The following CAND1 variants were observed in gnomAD, a reference collection of about 807,000 sequenced individuals.
CAND1 encodes the protein cullin associated and neddylation dissociated 1.
A neutral mutation model predicts 108.5 loss-of-function variants in CAND1; 7 were observed. The observed-to-expected ratio is 0.06, with a 90% confidence interval of 0.04 to 0.12. The LOEUF (loss-of-function observed/expected upper bound fraction) is 0.12, where lower values mean the gene tolerates loss of function less well. CAND1 is among the 10% of genes least tolerant of loss of function. The pLI is 1.00. For synonymous variants in CAND1, 534 were observed against 512.0 expected, an observed-to-expected ratio of 1.04 and a Z score of -0.58; for missense variants, 941 against 1,448.7, an observed-to-expected ratio of 0.65 and a Z score of 5.69.
chr12:67,297,285 A>G, intron 4 of CAND1, 122 bp from the exon 5 acceptor site: 1 of 907,224 alleles, frequency 1.1e-6, no homozygotes, highest in Non-Finnish European at 1.8e-6. Context: ...TTCACTATGA[A>G]TTAGTCTCAA....
intron 2 of CAND1, among the ~76,000 whole-genome samples, chr12:67,290,489 G>A (rs1038689824): frequency 1.3e-5 from 2 of 151,268 alleles, no homozygotes; most frequent in East Asian, 1.9e-4. Flanking sequence ...CCAGCCTGGC[G>A]ACAAAGCAAG....
chr12:67,270,769 T>TAAAAAAAAAAAAA (rs10573806), intron 1 of CAND1: 1 of 137,870 alleles, frequency 7.3e-6, no homozygotes, highest in Non-Finnish European at 1.6e-5. Context: ...GTTCTCAATC[T>TAAAAAAAAAAAAA]AAAAAAAAAA....
chr12:67,270,110 A>C, intron 1 of CAND1: 1 of 305,776 alleles, frequency 3.3e-6, no homozygotes, highest in Non-Finnish European at 6.0e-6. Flanking sequence ...GGGCTAAACC[A>C]CCCACCATTG....
chr12:67,294,329 C>T lies in CAND1; in HGVS notation c.368-704C>T, dbSNP rs1392589. Reference sequence around the variant, plus strand: ...ATTTATGAGTCCTGGAACGAGGTTTCTGCTTTATAATGAAGTTACGGAATC... The same window carrying T: ...ATTTATGAGTCCTGGAACGAGGTTTTTGCTTTATAATGAAGTTACGGAATC... On this transcript the variant is annotated intron_variant, in intron 3 of 14. Transcript: ENST00000545606. Among the ~76,000 whole-genome samples the T allele has an allele frequency of 6.7e-3, 1,022 of 152,064 alleles. 7 individuals are homozygous for T. Among genetic ancestry groups the T allele is most frequent in the African/African-American group, 0.023 (973 of 41,478 alleles).
intron 7 of CAND1, among the ~76,000 whole-genome samples, chr12:67,301,001 T>G (rs1299029929): frequency 6.6e-6 from 1 of 152,158 alleles, no homozygotes; most frequent in Non-Finnish European, 1.5e-5. Context: ...AAAATCAACG[T>G]AATTTTAGTG....
At chr12:67,303,050 TG>T (rs2044841834) in intron 8 of CAND1, among the ~76,000 whole-genome samples, 1 of 152,240 alleles carries the variant, frequency 6.6e-6, no homozygotes, top group South Asian at 2.1e-4. Context: ...GGGTGATCTG[TG>T]TAGAGCATTC....
chr12:67,286,395 C>G (rs539271476), intron 2 of CAND1, among the ~76,000 whole-genome samples: 3 of 152,288 alleles, frequency 2.0e-5, no homozygotes, highest in African/African-American at 7.2e-5. Context: ...TTCCCAAAGT[C>G]TATCTACCAC....
chr12:67,291,789 G>A (rs2044724648), intron 2 of CAND1, among the ~76,000 whole-genome samples: 2 of 152,038 alleles, frequency 1.3e-5, no homozygotes, highest in Non-Finnish European at 2.9e-5. Flanking sequence ...TTTAGATGAG[G>A]GATGCTAAAT....
chr12:67,295,249 C>A, intron 4 of CAND1, 93 bp downstream of exon 4: 1 of 1,188,826 alleles, frequency 8.4e-7, no homozygotes, highest in Non-Finnish European at 1.1e-6. Context: ...AAAACTTGGT[C>A]AGAAATTATT....
chr12:67,310,512 C>A, intron 13 of CAND1, 196 bp downstream of exon 13: 2 of 405,766 alleles, frequency 4.9e-6, no homozygotes, highest in Non-Finnish European at 8.9e-6. Flanking sequence ...GATCCAGAGC[C>A]CTTTTTATTG....
intron 2 of CAND1, among the ~76,000 whole-genome samples, chr12:67,283,058 A>G (rs1371063003): frequency 6.6e-6 from 1 of 152,206 alleles, no homozygotes; most frequent in Non-Finnish European, 1.5e-5. Flanking sequence ...AAATTATGGA[A>G]TTATGTCTTT....
At chr12:67,290,586 T>A (rs891646954) in intron 2 of CAND1, among the ~76,000 whole-genome samples, 1 of 152,200 alleles carries the variant, frequency 6.6e-6, no homozygotes, top group African/African-American at 2.4e-5. Flanking sequence ...GACATTGCAT[T>A]TAAAAGTTTT....
In CAND1 at chr12:67,318,585, T is replaced by C. The variant is rs943478405; in HGVS notation, c.*5755T>C. ...CTCCTAAATATCTCTTTCCTAAATATCTCTCATGCTTTTGGCTTAAGACCT... is the reference window on the plus strand; with the variant it reads ...CTCCTAAATATCTCTTTCCTAAATACCTCTCATGCTTTTGGCTTAAGACCT... On this transcript the variant is annotated 3_prime_UTR_variant, in exon 15 of 15. Coordinates refer to ENST00000545606, the MANE Select transcript of CAND1 (RefSeq NM_018448.5). 1 of 152,222 alleles carries C rather than the reference T, an allele frequency of 6.6e-6. No individual in the cohort carries two copies. Among genetic ancestry groups the C allele is most frequent in the African/African-American group, 2.4e-5 (1 of 41,454 alleles). 9.4% of individuals were successfully genotyped at this position (152,222 alleles called of 1,614,324 possible). A position where few individuals can be genotyped will look rare whatever the true frequency, so the allele number is the denominator to read the frequency against.
At chr12:67,275,560 A>G (rs942540631) in intron 1 of CAND1, among the ~76,000 whole-genome samples, 1 of 152,112 alleles carries the variant, frequency 6.6e-6, no homozygotes, top group African/African-American at 2.4e-5. Context: ...AACTTAATTC[A>G]TAGCACTCTA....
At chr12:67,272,453 A>T (rs2044529096) in intron 1 of CAND1, among the ~76,000 whole-genome samples, 1 of 152,218 alleles carries the variant, frequency 6.6e-6, no homozygotes, top group African/African-American at 2.4e-5. Flanking sequence ...TAATACAGAG[A>T]AGGTAAAGAA....
intron 2 of CAND1, among the ~76,000 whole-genome samples, chr12:67,286,193 A>G (rs2044669449): frequency 6.6e-6 from 1 of 151,938 alleles, no homozygotes; most frequent in African/African-American, 2.4e-5. Context: ...TATTTTTTAA[A>G]TAGAGACGGG....
At chr12:67,282,279 G>A in intron 2 of CAND1, 1 of 364,876 alleles carries the variant, frequency 2.7e-6, no homozygotes, top group South Asian at 4.4e-5. Flanking sequence ...TTCTTACGAA[G>A]TGCATGTAGG....
intron 2 of CAND1, 32 bp downstream of exon 2, chr12:67,282,085 T>G (rs375452985): frequency 4.5e-5 from 72 of 1,608,880 alleles, no homozygotes; most frequent in Non-Finnish European, 6.0e-5. Context: ...GAGTCTTTCT[T>G]CCTGCTCCCC....
At position 67,306,462 on chromosome 12, in the gene CAND1, A is replaced by G. The variant is rs1303272019; in HGVS notation, c.2794A>G (p.Ile932Val). The change falls in exon 10 of 15, where the codon ATC becomes GTC. Residue 932 changes from isoleucine to valine, a missense_variant. Physicochemically the swap from Ile to Val is conservative, Grantham distance 29 (BLOSUM62 3). Transcript: ENST00000545606. ...VVGLKPYVEN[I>V]WALLLKHCEC... is the part of the protein sequence containing the mutation. ...GGGCCTTAAACCATATGTTGAAAAC[A>G]TCTGGGCCTTATTACTAAAGCACTG... The G allele has an allele frequency of 1.9e-6, 3 of 1,614,098 alleles. No homozygotes were observed. Among genetic ancestry groups the G allele is most frequent in the Non-Finnish European group, 2.5e-6 (3 of 1,179,982 alleles).
Sources: gnomAD v4.1 joint callset for allele counts (sites outside exome capture counted in the v4.1 genomes callset) on GRCh38, gnomAD v4.1.1 for gene constraint, MANE v1.5 for transcripts, NCBI Gene and HGNC (gene_info 2026-07-23, HGNC 2026-07-21) for gene names.